Variants in CACNA1A observed in about 807,000 individuals in gnomAD.
CACNA1A encodes calcium voltage-gated channel subunit alpha1 A.
A neutral mutation model predicts 262.4 loss-of-function variants in CACNA1A; 57 were observed. The ratio of observed to expected loss-of-function variants is 0.22; its 90% CI spans 0.18 to 0.27. The LOEUF is 0.27. Ranked by LOEUF, CACNA1A falls within the 10% of genes least tolerant of loss-of-function variation. The probability of loss-of-function intolerance (pLI) is 1.00; values close to 1 mark genes in which losing one functional copy is unlikely to be tolerated. For synonymous variants in CACNA1A, 1,431 were observed against 1,419.3 expected (o/e 1.01, Z -0.18); for missense variants, 2,526 against 3,562.8 (o/e 0.71, Z 7.41).
At chr19:13,338,541 G>A (rs1343887549) in intron 6 of CACNA1A, among the ~76,000 whole-genome samples, 3 of 125,816 alleles carry the variant, frequency 2.4e-5, no homozygotes, top group Non-Finnish European at 5.1e-5. Context: ...GTTATCAATA[G>A]GAGAGAGAGG....
In CACNA1A at chr19:13,348,612, C is replaced by A. The variant is rs770735417; in HGVS notation, c.978+10994G>T. On this transcript the variant is annotated intron_variant, in intron 6 of 46. Transcript: ENST00000360228. Reference sequence around the variant, plus strand: ...CGGCACTTTGGGAGGCCAAGGCGGGCGAATCATGAGCTCAGGAGATCGAGA... The same window carrying A: ...CGGCACTTTGGGAGGCCAAGGCGGGAGAATCATGAGCTCAGGAGATCGAGA... 8.5e-5 allele frequency among the ~76,000 whole-genome samples: 13 copies of A among 152,098 alleles called. 1 individual carries two copies. The South Asian group carries it at 1.2e-3, about 15-fold the overall frequency.
intron 6 of CACNA1A, among the ~76,000 whole-genome samples, chr19:13,348,588 G>A (rs189477663): frequency 2.2e-4 from 33 of 151,668 alleles, no homozygotes; most frequent in Admixed American, 1.3e-3. Flanking sequence ...CTGTAATCCC[G>A]GCACTTTGGG....
At chr19:13,430,896 G>T (rs1042129635) in intron 3 of CACNA1A, among the ~76,000 whole-genome samples, 5 of 152,030 alleles carry the variant, frequency 3.3e-5, no homozygotes, top group African/African-American at 7.2e-5. Context: ...CCCAAAGGAA[G>T]TGAGGGGGGA....
chr19:13,452,174 C>G (rs758150138), intron 3 of CACNA1A: 1 of 152,040 alleles, frequency 6.6e-6, no homozygotes, highest in African/African-American at 2.4e-5. Flanking sequence ...AAACTTCTGC[C>G]GTGTTTAAGT....
At chr19:13,295,366 C>T (rs1332948954) in intron 19 of CACNA1A, among the ~76,000 whole-genome samples, 1 of 152,136 alleles carries the variant, frequency 6.6e-6, no homozygotes, top group Non-Finnish European at 1.5e-5. Context: ...CATGACAGTC[C>T]CATATGGGAA....
chr19:13,313,355 G>C (rs1233092016), intron 11 of CACNA1A, among the ~76,000 whole-genome samples: 1 of 151,932 alleles, frequency 6.6e-6, no homozygotes, highest in Non-Finnish European at 1.5e-5. Context: ...ACAAAAATTA[G>C]CCAGTGTGGT....
chr19:13,348,531 A>C (rs1014340772), intron 6 of CACNA1A, among the ~76,000 whole-genome samples: 1 of 151,990 alleles, frequency 6.6e-6, no homozygotes, highest in Non-Finnish European at 1.5e-5. Context: ...GTTGAAACCC[A>C]GTCTCTGTTA....
chr19:13,296,612 C>T (rs893727272), intron 19 of CACNA1A, among the ~76,000 whole-genome samples: 6 of 152,192 alleles, frequency 3.9e-5, no homozygotes, highest in South Asian at 4.1e-4. Context: ...TGGTCTTGAA[C>T]TCCGGGGCTC....
chr19:13,504,003 C>G (rs1447907077), intron 1 of CACNA1A, among the ~76,000 whole-genome samples: 1 of 152,102 alleles, frequency 6.6e-6, no homozygotes, highest in African/African-American at 2.4e-5. Flanking sequence ...GCTAAGGACA[C>G]AGCAGAAGGG....
At chr19:13,428,946 C>A (rs112724347) in intron 3 of CACNA1A, among the ~76,000 whole-genome samples, 1 of 152,050 alleles carries the variant, frequency 6.6e-6, no homozygotes, top group Admixed American at 6.6e-5. Flanking sequence ...GCCTTGAGGA[C>A]GGCACAGGTG....
chr19:13,257,283 T>G, intron 28 of CACNA1A, 67 bp downstream of exon 28: 2 of 1,308,284 alleles, frequency 1.5e-6, no homozygotes, highest in Non-Finnish European at 1.1e-6. Flanking sequence ...TTCCTGGGTG[T>G]TGTGTGTGTT....
chr19:13,346,666 A>ATTTTTTTT (rs74181823), intron 6 of CACNA1A, among the ~76,000 whole-genome samples: 1 of 8,286 alleles, frequency 1.2e-4, no homozygotes, highest in Non-Finnish European at 2.0e-4. Context: ...ATATATATAT[A>ATTTTTTTT]TTTTTTTTTT....
rs1003292834 is a variant in CACNA1A, at chr19:13,207,245, G to A, written c.*68C>T. 2.1e-6 allele frequency: 3 copies of A among 1,436,648 alleles called. No homozygotes were observed. The highest frequency in any genetic ancestry group is 9.1e-7 in the Non-Finnish European group (1 of 1,097,906). The allele number at this position is 1,436,648 out of a possible 1,614,324, so 89.0% of individuals were successfully genotyped here. On this transcript the variant is annotated 3_prime_UTR_variant, in exon 47 of 47. Coordinates refer to ENST00000360228, the MANE Select transcript of CACNA1A (RefSeq NM_001127222.2). This position sits in a 1 kb window ranked among gnomAD's most constrained non-coding sequence, Gnocchi z 5.7. ...TGTGCTGGGCCCCCGCGGCCTCTGC[G>A]CGGCTCCTCGGGTGGGGTGTGTGCG...
At chr19:13,275,120 C>T (rs1175084755) in intron 24 of CACNA1A, 1 of 152,130 alleles carries the variant, frequency 6.6e-6, no homozygotes, top group Non-Finnish European at 1.5e-5. Context: ...GGAATGGCTA[C>T]CCAGAACTTG....
At chr19:13,376,784 A>G (rs1344467511) in intron 3 of CACNA1A, among the ~76,000 whole-genome samples, 3 of 111,526 alleles carry the variant, frequency 2.7e-5, no homozygotes, top group African/African-American at 3.8e-5. Flanking sequence ...CACATAATAT[A>G]TGTGACATAT....
At chr19:13,211,874 A>T in intron 43 of CACNA1A, 1 of 518,062 alleles carries the variant, frequency 1.9e-6, no homozygotes, top group Non-Finnish European at 3.5e-6. Context: ...CCTCTGCCCC[A>T]GGGGGAGCAC....
At chr19:13,250,557 C>A (rs1431978288) in intron 30 of CACNA1A, among the ~76,000 whole-genome samples, 1 of 151,954 alleles carries the variant, frequency 6.6e-6, no homozygotes, top group African/African-American at 2.4e-5. Flanking sequence ...CCACCACACC[C>A]AGCTAATTTT....
chr19:13,470,081 C>A (rs2061324006), intron 1 of CACNA1A, among the ~76,000 whole-genome samples: 5 of 152,022 alleles, frequency 3.3e-5, no homozygotes, highest in Admixed American at 2.6e-4. Flanking sequence ...ATCCCAGCAT[C>A]CTATATCAGA....
chr19:13,281,704 C>T (rs542923730), intron 22 of CACNA1A, among the ~76,000 whole-genome samples: 6 of 152,272 alleles, frequency 3.9e-5, no homozygotes, highest in Admixed American at 2.0e-4. Flanking sequence ...AGGCACATGC[C>T]GCGTGGGGCG....
Sources: gnomAD v4.1 joint callset for allele counts (sites outside exome capture counted in the v4.1 genomes callset) on GRCh38, gnomAD v4.1.1 for gene constraint, Gnocchi (gnomAD v3.1) non-coding constraint, MANE v1.5 for transcripts, NCBI Gene and HGNC (gene_info 2026-07-23, HGNC 2026-07-21) for gene names.